The following ABCA13 variants were observed in gnomAD, a reference collection of about 807,000 sequenced individuals.
ABCA13 encodes the protein ATP-binding cassette sub-family A member 13.
ABCA13 carries 476 observed loss-of-function variants against 478.7 expected under a neutral mutation model. The observed-to-expected ratio is 0.99, with a 90% CI of 0.92 to 1.07. The LOEUF is 1.07. ABCA13 is among the 50% of genes least tolerant of loss of function. The pLI is 0.00. For missense variants in ABCA13, 6,060 were observed against 5,910.6 expected (o/e 1.03, Z -0.83); for synonymous variants, 2,252 against 2,158.9 (o/e 1.04, Z -1.20).
chr7:48,402,556 G>C (rs949603526), intron 38 of ABCA13, among the ~76,000 whole-genome samples: 1 of 152,188 alleles, frequency 6.6e-6, no homozygotes, highest in African/African-American at 2.4e-5. Flanking sequence ...TATAAGACTT[G>C]GATGAAACAT....
intron 39 of ABCA13, 168 bp downstream of exon 39, chr7:48,404,047 A>T: frequency 1.3e-6 from 1 of 767,482 alleles, no homozygotes; most frequent in South Asian, 1.5e-5. Flanking sequence ...GTTAGATAAC[A>T]TCTCTATAGT....
intron 58 of ABCA13, among the ~76,000 whole-genome samples, chr7:48,596,837 C>T (rs992741318): frequency 6.6e-6 from 1 of 152,024 alleles, no homozygotes. Context: ...CATTCAAAAC[C>T]TCCACCTAGG....
At position 48,244,060 on chromosome 7, in the gene ABCA13, C is replaced by T. The variant is rs112443850; in HGVS notation, c.1263-516C>T. 6.5e-3 allele frequency among the ~76,000 whole-genome samples: 990 copies of T among 152,280 alleles called. 7 individuals carry two copies. Among genetic ancestry groups the T allele is most frequent in the Middle Eastern group, 0.054 (16 of 294 alleles). ...AGTTGTTTCTTCCATGTCTGGAGCCCGTTAGTCTGACATTCTAGGGACTAT... is the reference window on the plus strand; with the variant it reads ...AGTTGTTTCTTCCATGTCTGGAGCCTGTTAGTCTGACATTCTAGGGACTAT... On this transcript the variant is annotated intron_variant, in intron 10 of 61. Transcript: ENST00000435803.
At position 48,240,913 on chromosome 7, in the gene ABCA13, C is replaced by A. The variant is rs756900471; in HGVS notation, c.1109C>A (p.Thr370Lys). 1 of 1,603,088 alleles carries A rather than the reference C, an allele frequency of 6.2e-7. No individual in the cohort carries two copies. Among genetic ancestry groups the A allele is most frequent in the Non-Finnish European group, 8.5e-7 (1 of 1,173,312 alleles). Residue 370 changes from threonine to lysine, a missense_variant, in exon 10 of 62, where the codon ACA (threonine) becomes AAA (lysine). Physicochemically the swap from Thr to Lys is moderately conservative, Grantham distance 78. Transcript: ENST00000435803. ...QQGSLLQKTL[T>K]GMGHSLEALR... ...GGTAGCCTGCTTCAGAAGACACTCACAGGCATGGGCCATAGTCTGGAGGCT... is the reference window on the plus strand; with the variant it reads ...GGTAGCCTGCTTCAGAAGACACTCAAAGGCATGGGCCATAGTCTGGAGGCT...
rs569742079 is a variant in ABCA13 at position 48,442,947 on chromosome 7, C to G, written c.12566-12090C>G. On this transcript the variant is annotated intron_variant, in intron 42 of 61. Transcript: ENST00000435803. ...CCCTGTTTGTTGAAGTCTTAACCCT[C>G]AGTACCTCAGCATGTGACTATAGCT... 2.2e-4 allele frequency among the ~76,000 whole-genome samples: 34 copies of G among 152,308 alleles called. 1 individual carries two copies. Among genetic ancestry groups the G allele is most frequent in the African/African-American group, 7.0e-4 (29 of 41,546 alleles).
intron 33 of ABCA13, 104 bp downstream of exon 33, chr7:48,372,601 C>A: frequency 2.1e-6 from 2 of 934,718 alleles, no homozygotes; most frequent in Non-Finnish European, 3.1e-6. Context: ...TTGTCATGTT[C>A]ATATCTACAT....
intron 55 of ABCA13, among the ~76,000 whole-genome samples, chr7:48,572,155 G>A (rs1787722615): frequency 6.6e-6 from 1 of 152,128 alleles, no homozygotes; most frequent in Admixed American, 6.6e-5. Flanking sequence ...ATTCCAGCCT[G>A]GGTGATGGAG....
chr7:48,565,414 G>T (rs6944801), intron 55 of ABCA13, among the ~76,000 whole-genome samples: 21,092 of 152,018 alleles, frequency 0.14, 1,831 homozygotes, highest in African/African-American at 0.23. Flanking sequence ...CTGAAGTCCC[G>T]AAATGAATGA....
At chr7:48,231,087 A>T (rs1789001369) in intron 7 of ABCA13, among the ~76,000 whole-genome samples, 1 of 152,050 alleles carries the variant, frequency 6.6e-6, no homozygotes, top group African/African-American at 2.4e-5. Context: ...ATGGGTTGAT[A>T]GGTGCAGCAA....
chr7:48,402,463 G>T (rs983030159), intron 38 of ABCA13, among the ~76,000 whole-genome samples: 6 of 152,116 alleles, frequency 3.9e-5, no homozygotes, highest in African/African-American at 1.4e-4. Context: ...ATAGGGTGTT[G>T]TCCACACTGG....
At chr7:48,259,829 T>C (rs1793933421) in intron 15 of ABCA13, among the ~76,000 whole-genome samples, 1 of 152,088 alleles carries the variant, frequency 6.6e-6, no homozygotes. Flanking sequence ...TAGCATTTGC[T>C]TGTCCCAAAA....
At chr7:48,255,899 A>G (rs2128710206) in intron 15 of ABCA13, among the ~76,000 whole-genome samples, 1 of 152,234 alleles carries the variant, frequency 6.6e-6, no homozygotes, top group East Asian at 1.9e-4. Flanking sequence ...GTTTTCCACG[A>G]TGTTGATCTA....
At chr7:48,189,305 T>G (rs1006393480) in intron 1 of ABCA13, among the ~76,000 whole-genome samples, 2 of 152,110 alleles carry the variant, frequency 1.3e-5, no homozygotes, top group Non-Finnish European at 2.9e-5. Flanking sequence ...ATTAAAAATG[T>G]GATGAGAAAG....
intron 42 of ABCA13, among the ~76,000 whole-genome samples, chr7:48,442,281 C>T (rs1354310629): frequency 4.0e-5 from 6 of 150,174 alleles, no homozygotes; most frequent in Non-Finnish European, 8.9e-5. Flanking sequence ...CAAACTGCCA[C>T]AGACTGAGCG....
At chr7:48,388,373 T>C (rs1815509914) in intron 36 of ABCA13, among the ~76,000 whole-genome samples, 1 of 152,242 alleles carries the variant, frequency 6.6e-6, no homozygotes, top group African/African-American at 2.4e-5. Context: ...TTATTCAGTG[T>C]TCCTGTGTGA....
intron 3 of ABCA13, among the ~76,000 whole-genome samples, chr7:48,218,183 A>G (rs1786777011): frequency 6.6e-6 from 1 of 152,358 alleles, no homozygotes; most frequent in East Asian, 1.9e-4. Context: ...GGGGAAACTC[A>G]TCTTGAATTA....
In ABCA13 at chr7:48,376,564, T is replaced by A; in HGVS notation, c.11327T>A (p.Leu3776Ter). Reference sequence around the variant, plus strand: ...TTGTGTGGATGGTACTTGAGCAACTTGATTCCTGGTAAGAATTTTGCCTTT... The same window carrying A: ...TTGTGTGGATGGTACTTGAGCAACTAGATTCCTGGTAAGAATTTTGCCTTT... ...YFLCGWYLSN[L>*]IPGTFGLRKP... is the part of the protein sequence containing the mutation. Residue 3776 changes from leucine (L) to a stop codon, truncating the protein, a stop_gained, in exon 35 of 62, where the codon TTG becomes TAG. Transcript: ENST00000435803. LOFTEE classifies it high-confidence loss of function. 6.2e-7 allele frequency: 1 copy of A among 1,613,530 alleles called. No individual in the cohort carries two copies.
Position 48,372,446 on chromosome 7 carries a change from A to G in ABCA13, c.11082A>G (p.Ile3694Met), listed in dbSNP as rs372729430. The G allele has an allele frequency of 3.1e-6, 5 of 1,611,612 alleles. No individual in the cohort carries two copies. The African/African-American group carries it at 6.7e-5, about 22-fold the overall frequency. ...LVYMISFLPY[I>M]VLLVLHNQLS... ...ACATGATCAGCTTTCTGCCCTACAT[A>G]GTTCTATTGGTTCTACATAACCAAT... Residue 3694 changes from isoleucine (I) to methionine (M), a missense_variant, in exon 33 of 62, where the codon ATA (isoleucine) becomes ATG (methionine). Physicochemically the swap from Ile to Met is conservative, Grantham distance 10. Around this residue, in one of 3 missense-constraint regions of ABCA13, gnomAD observed 4,423 missense variants for 4,309.1 expected, o/e 1.03. Coordinates refer to ENST00000435803, the MANE Select transcript of ABCA13 (RefSeq NM_152701.5).
chr7:48,341,805 C>CT (rs1807208329), intron 29 of ABCA13, among the ~76,000 whole-genome samples: 1 of 66,706 alleles, frequency 1.5e-5, no homozygotes, highest in Non-Finnish European at 3.2e-5. Context: ...GTCTTCTTTT[C>CT]TTTTCTGATA....
Sources: gnomAD v4.1 joint callset for allele counts (sites outside exome capture counted in the v4.1 genomes callset) on GRCh38, gnomAD v4.1.1 for gene constraint, gnomAD v4.1.1 regional missense constraint, MANE v1.5 for transcripts, NCBI Gene and HGNC (gene_info 2026-07-23, HGNC 2026-07-21) for gene names.